CLYBL: variants seen among roughly 807,000 people sequenced by gnomAD.
CLYBL encodes citramalyl-CoA lyase, mitochondrial.
Under a neutral mutation model 38.9 loss-of-function variants are expected in CLYBL, and 31 were observed. The observed-to-expected ratio is 0.80, with a 90% confidence interval of 0.60 to 1.08. The LOEUF (loss-of-function observed/expected upper bound fraction) is 1.08, where lower values mean the gene tolerates loss of function less well. Among genes scored for constraint, CLYBL ranks in the 50% least tolerant of loss-of-function variants. The pLI is 0.00. For synonymous variants in CLYBL, 171 were observed against 158.6 expected (o/e 1.08, Z -0.59); for missense variants, 434 against 411.6 (o/e 1.05, Z -0.47).
At chr13:99,775,797 T>C (rs12017446) in intron 2 of CLYBL, among the ~76,000 whole-genome samples, 1 of 151,994 alleles carries the variant, frequency 6.6e-6, no homozygotes, top group African/African-American at 2.4e-5. Context: ...GCATAAGCCA[T>C]GATGCCCGGC....
chr13:99,660,327 C>T (rs1176281697), intron 1 of CLYBL, among the ~76,000 whole-genome samples: 1 of 152,180 alleles, frequency 6.6e-6, no homozygotes, highest in East Asian at 1.9e-4. Flanking sequence ...ATTCCTCTGT[C>T]GGTCATCCTT....
At chr13:99,711,728 T>C (rs1192465955) in intron 1 of CLYBL, among the ~76,000 whole-genome samples, 2 of 150,430 alleles carry the variant, frequency 1.3e-5, no homozygotes, top group Non-Finnish European at 3.0e-5. Context: ...TATTTTTTAA[T>C]ATTTTTGAGA....
intron 2 of CLYBL, among the ~76,000 whole-genome samples, chr13:99,810,663 C>T (rs1299485081): frequency 3.3e-5 from 5 of 152,070 alleles, no homozygotes. Flanking sequence ...GGGTTTCAAG[C>T]AGCAGAGATA....
At chr13:99,825,733 G>A (rs898626875) in intron 2 of CLYBL, among the ~76,000 whole-genome samples, 7 of 152,290 alleles carry the variant, frequency 4.6e-5, no homozygotes, top group Admixed American at 2.6e-4. Context: ...ATGTGGTGAG[G>A]GAGAACGTGT....
chr13:99,679,738 G>A (rs547692931), intron 1 of CLYBL, among the ~76,000 whole-genome samples: 138 of 152,128 alleles, frequency 9.1e-4, no homozygotes, highest in African/African-American at 3.3e-3. Context: ...GAGAGGGTGG[G>A]GGGGGAAATG....
intron 1 of CLYBL, among the ~76,000 whole-genome samples, chr13:99,744,429 A>G (rs1403950045): frequency 6.6e-6 from 1 of 152,200 alleles, no homozygotes; most frequent in Non-Finnish European, 1.5e-5. Flanking sequence ...CTTACCATAC[A>G]GAGACCTGGC....
chr13:99,711,379 G>C (rs531883620), intron 1 of CLYBL, among the ~76,000 whole-genome samples: 1 of 147,418 alleles, frequency 6.8e-6, no homozygotes, highest in African/African-American at 2.5e-5. Flanking sequence ...GTCCTCATAT[G>C]ACAGAAGGGG....
At chr13:99,815,609 G>A (rs1233771066) in intron 2 of CLYBL, among the ~76,000 whole-genome samples, 1 of 152,138 alleles carries the variant, frequency 6.6e-6, no homozygotes, top group Non-Finnish European at 1.5e-5. Context: ...AAATTGGCCA[G>A]GCACGGTGGC....
chr13:99,805,499 A>AGC (rs1252890410), intron 2 of CLYBL, among the ~76,000 whole-genome samples: 1 of 152,048 alleles, frequency 6.6e-6, no homozygotes, highest in African/African-American at 2.4e-5. Context: ...TGAGAAAGGG[A>AGC]GCGGTACTGA....
At chr13:99,876,034 T>C (rs1025215077) in intron 7 of CLYBL, among the ~76,000 whole-genome samples, 3 of 149,208 alleles carry the variant, frequency 2.0e-5, no homozygotes, top group African/African-American at 7.4e-5. Context: ...AATGAATTGC[T>C]ACAAAGTATT....
Position 99,606,873 on chromosome 13 carries a change from A to G in CLYBL, c.62+116A>G, listed in dbSNP as rs575650562. ...CAAGCCCTCACGGGAACCCAGCCGG[A>G]CGGAAGCACCATGCGCCTCCCACGC... On this transcript the variant is annotated intron_variant, in intron 1 of 8. Transcript: ENST00000339105. The G allele has an allele frequency of 3.9e-6, 5 of 1,273,000 alleles. No individual in the cohort carries two copies. In the East Asian group the frequency reaches 1.3e-4, roughly 33 times the overall value. 78.9% of individuals were successfully genotyped at this position (1,273,000 alleles called of 1,614,324 possible). A position where few individuals can be genotyped will look rare whatever the true frequency, so the allele number is the denominator to read the frequency against.
intron 1 of CLYBL, 126 bp downstream of exon 1, chr13:99,606,883 C>T: frequency 7.9e-7 from 1 of 1,265,426 alleles, no homozygotes; most frequent in South Asian, 2.8e-5. Flanking sequence ...ACGGAAGCAC[C>T]ATGCGCCTCC....
intron 7 of CLYBL, among the ~76,000 whole-genome samples, chr13:99,872,716 G>A (rs1566362468): frequency 6.6e-6 from 1 of 152,120 alleles, no homozygotes; most frequent in African/African-American, 2.4e-5. Context: ...ATCAAAGGAG[G>A]GCAGTTGGCA....
At chr13:99,781,871 T>C (rs1566324811) in intron 2 of CLYBL, among the ~76,000 whole-genome samples, 1 of 152,260 alleles carries the variant, frequency 6.6e-6, no homozygotes, top group Non-Finnish European at 1.5e-5. Context: ...GAAATTTTAC[T>C]AAGCACGCTT....
At chr13:99,851,367 C>CAAAAAA (rs35539387) in intron 2 of CLYBL, among the ~76,000 whole-genome samples, 2 of 63,102 alleles carry the variant, frequency 3.2e-5, no homozygotes, top group Non-Finnish European at 5.7e-5. Context: ...AAGTCCACCT[C>CAAAAAA]AAAAAAAAAA....
At chr13:99,813,681 A>G (rs1284505481) in intron 2 of CLYBL, among the ~76,000 whole-genome samples, 1 of 152,214 alleles carries the variant, frequency 6.6e-6, no homozygotes, top group African/African-American at 2.4e-5. Context: ...CAGGCTTGTC[A>G]CACAGAGTGG....
At chr13:99,715,386 A>G (rs2048296538) in intron 1 of CLYBL, among the ~76,000 whole-genome samples, 1 of 151,228 alleles carries the variant, frequency 6.6e-6, no homozygotes, top group Admixed American at 6.6e-5. Flanking sequence ...AGTGCTCTTT[A>G]TAGAGATTTT....
At chr13:99,607,884 C>T (rs1345655728) in intron 1 of CLYBL, among the ~76,000 whole-genome samples, 2 of 152,048 alleles carry the variant, frequency 1.3e-5, no homozygotes, top group African/African-American at 4.8e-5. Flanking sequence ...GCTGGCATTA[C>T]AGGTGTGCAC....
intron 1 of CLYBL, among the ~76,000 whole-genome samples, chr13:99,682,171 T>G (rs1170182126): frequency 6.6e-6 from 1 of 150,688 alleles, no homozygotes; most frequent in Non-Finnish European, 1.5e-5. Context: ...GGAGACAGAG[T>G]CTCGCTCTGT....
Sources: gnomAD v4.1 joint callset for allele counts (sites outside exome capture counted in the v4.1 genomes callset) on GRCh38, gnomAD v4.1.1 for gene constraint, MANE v1.5 for transcripts, NCBI Gene and HGNC (gene_info 2026-07-23, HGNC 2026-07-21) for gene names.